The following GALNT18 variants were observed in gnomAD, a reference collection of about 807,000 sequenced individuals.
GALNT18 encodes the protein polypeptide N-acetylgalactosaminyltransferase 18.
A neutral mutation model predicts 69.5 loss-of-function variants in GALNT18; 44 were observed. The observed-to-expected ratio is 0.63, with a 90% CI of 0.50 to 0.81. GALNT18 has a LOEUF of 0.81. Among genes scored for constraint, GALNT18 ranks in the 40% least tolerant of loss-of-function variants. GALNT18 has a pLI of 0.00. For synonymous variants in GALNT18, 364 were observed against 318.2 expected (o/e 1.14, Z -1.53); for missense variants, 715 against 810.0 (o/e 0.88, Z 1.42).
At chr11:11,501,914 G>C (rs1590056383) in intron 1 of GALNT18, among the ~76,000 whole-genome samples, 1 of 152,346 alleles carries the variant, frequency 6.6e-6, no homozygotes, top group East Asian at 1.9e-4. Flanking sequence ...AGCAAATGCA[G>C]CTTCAGAGAG....
In GALNT18 at chr11:11,538,320, C is replaced by T. The variant is rs1857830309; in HGVS notation, c.235+83039G>A. 6.6e-6 allele frequency among the ~76,000 whole-genome samples: 1 copy of T among 152,212 alleles called. No homozygotes were observed. The highest frequency in any genetic ancestry group is 1.5e-5 in the Non-Finnish European group (1 of 68,026). ...GGGCTGGGAAGGCCACTCACTAAGG[C>T]CAGGGTGTCCTTTACTTGGCAGGGA... On this transcript the variant is annotated intron_variant, in intron 1 of 10. Transcript: ENST00000227756. The surrounding 1 kb of genome is among the most constrained non-coding windows in gnomAD (Gnocchi z 5.2).
Position 11,337,346 on chromosome 11 carries a change from T to A in GALNT18, c.1278+3473A>T, listed in dbSNP as rs1319979150. Among the ~76,000 whole-genome samples the A allele has an allele frequency of 6.6e-6, 1 of 152,046 alleles. No individual in the cohort carries two copies. The highest frequency in any genetic ancestry group is 1.5e-5 in the Non-Finnish European group (1 of 68,006). On this transcript the variant is annotated intron_variant, in intron 7 of 10. Coordinates refer to ENST00000227756, the MANE Select transcript of GALNT18 (RefSeq NM_198516.3). This position sits in a 1 kb window ranked among gnomAD's most constrained non-coding sequence, Gnocchi z 4.9. ...CTAGATATAATGACACAAAAATGAA[T>A]AAAGCAGTCTGTCCTCAGAGAGCCC... is the stretch of plus-strand genomic sequence containing the variant.
chr11:11,336,526 T>C (rs928755353), intron 7 of GALNT18, among the ~76,000 whole-genome samples: 3 of 152,196 alleles, frequency 2.0e-5, no homozygotes, highest in African/African-American at 7.2e-5. Flanking sequence ...ACTTATTTAA[T>C]TCTCAAGGCA....
chr11:11,357,476 C>G (rs113895029), intron 6 of GALNT18, among the ~76,000 whole-genome samples: 33 of 152,186 alleles, frequency 2.2e-4, no homozygotes, highest in African/African-American at 6.5e-4. Flanking sequence ...CCACCCACTC[C>G]CTCCTTAGAC....
Position 11,523,596 on chromosome 11 carries a change from G to A in GALNT18, c.236-74660C>T, listed in dbSNP as rs1857449560. 6.6e-6 allele frequency among the ~76,000 whole-genome samples: 1 copy of A among 151,860 alleles called. No homozygotes were observed. Among genetic ancestry groups the A allele is most frequent in the African/African-American group, 2.4e-5 (1 of 41,338 alleles). On this transcript the variant is annotated intron_variant, in intron 1 of 10. Transcript: ENST00000227756. This position sits in a 1 kb window ranked among gnomAD's most constrained non-coding sequence, Gnocchi z 4.3. ...TAGCCAGGCGTGTTGGTGGGCTCCTGTAGTCCCAGCTACTCGGGAGGCTGA... is the reference window on the plus strand; with the variant it reads ...TAGCCAGGCGTGTTGGTGGGCTCCTATAGTCCCAGCTACTCGGGAGGCTGA...
Position 11,337,675 on chromosome 11 carries a change from T to A in GALNT18, c.1278+3144A>T, listed in dbSNP as rs1352753079. Among the ~76,000 whole-genome samples the A allele has an allele frequency of 6.6e-6, 1 of 151,890 alleles. No homozygotes were observed. The highest frequency in any genetic ancestry group is 1.5e-5 in the Non-Finnish European group (1 of 67,996). ...CTGAGTCTCAAAGGATGGGGAAGAT[T>A]TAGTAGGGGTGGTCATACAGGAAGA... On this transcript the variant is annotated intron_variant, in intron 7 of 10. Transcript: ENST00000227756. The surrounding 1 kb of genome is among the most constrained non-coding windows in gnomAD (Gnocchi z 4.9).
At chr11:11,300,984 T>C (rs1404124368) in intron 9 of GALNT18, among the ~76,000 whole-genome samples, 1 of 152,182 alleles carries the variant, frequency 6.6e-6, no homozygotes, top group Non-Finnish European at 1.5e-5. Context: ...GCAATGCCCC[T>C]GCAGATCGGG....
rs547455725 is a variant in GALNT18, at chr11:11,552,035, T to A, written c.235+69324A>T. 1.1e-4 allele frequency among the ~76,000 whole-genome samples: 17 copies of A among 152,370 alleles called. No individual in the cohort carries two copies. In the South Asian group the frequency reaches 3.5e-3, roughly 32 times the overall value. ...AGGCTATTTTCACTTCTTTTGTGGA[T>A]CTTCAGTTGCTTCAGGCCATCTGGA... On this transcript the variant is annotated intron_variant, in intron 1 of 10. Coordinates refer to ENST00000227756, the MANE Select transcript of GALNT18 (RefSeq NM_198516.3).
At chr11:11,474,589 C>T (rs1278504009) in intron 1 of GALNT18, among the ~76,000 whole-genome samples, 1 of 152,098 alleles carries the variant, frequency 6.6e-6, no homozygotes. Flanking sequence ...TTGGATGATG[C>T]TAGTAGTATT....
chr11:11,563,462 C>T lies in GALNT18; in HGVS notation c.235+57897G>A, dbSNP rs1029368361. Among the ~76,000 whole-genome samples, 2 of 152,210 alleles carry T rather than the reference C, an allele frequency of 1.3e-5. No individual in the cohort carries two copies. Among genetic ancestry groups the T allele is most frequent in the Admixed American group, 1.3e-4 (2 of 15,284 alleles). ...GGGAGTCTCACCATGAAGGGCCCCA[C>T]AAGTAGTTTCCAACTTGTGAGTTTG... On this transcript the variant is annotated intron_variant, in intron 1 of 10. Transcript: ENST00000227756. This position sits in a 1 kb window ranked among gnomAD's most constrained non-coding sequence, Gnocchi z 4.6.
chr11:11,535,553 C>G (rs1430602506), intron 1 of GALNT18, among the ~76,000 whole-genome samples: 3 of 152,164 alleles, frequency 2.0e-5, no homozygotes, highest in African/African-American at 7.2e-5. Flanking sequence ...CCATTTTCCA[C>G]AAAAGGGCTA....
At chr11:11,392,672 T>A (rs959829990) in intron 3 of GALNT18, among the ~76,000 whole-genome samples, 6 of 152,096 alleles carry the variant, frequency 3.9e-5, no homozygotes, top group African/African-American at 1.4e-4. Flanking sequence ...CTTTCTGAAG[T>A]TTTTAGCACT....
Position 11,523,474 on chromosome 11 carries a change from C to T in GALNT18, c.236-74538G>A, listed in dbSNP as rs1420451702. ...CTCTTAAAATTCTTACACCGTGCCA[C>T]TTTGGGAGGCTGAGGCGGGTGGATC... On this transcript the variant is annotated intron_variant, in intron 1 of 10. Coordinates refer to ENST00000227756, the MANE Select transcript of GALNT18 (RefSeq NM_198516.3). The surrounding 1 kb of genome is among the most constrained non-coding windows in gnomAD (Gnocchi z 4.3). Among the ~76,000 whole-genome samples the T allele has an allele frequency of 2.0e-5, 3 of 152,114 alleles. No homozygotes were observed. Among genetic ancestry groups the T allele is most frequent in the Admixed American group, 1.3e-4 (2 of 15,280 alleles).
In GALNT18 at chr11:11,340,731, C is replaced by G; in HGVS notation, c.1278+88G>C. 1 of 1,270,760 alleles carries G rather than the reference C, an allele frequency of 7.9e-7. No homozygotes were observed. The highest frequency in any genetic ancestry group is 1.1e-6 in the Non-Finnish European group (1 of 912,652). The allele number at this position is 1,270,760 out of a possible 1,614,324, so 78.7% of individuals were successfully genotyped here. Reference sequence around the variant, plus strand: ...GCATGGCAAACAGGACTCTGGCTGACCCATAGGAAGAAGGGTTCGGTCCCA... The same window carrying G: ...GCATGGCAAACAGGACTCTGGCTGAGCCATAGGAAGAAGGGTTCGGTCCCA... On this transcript the variant is annotated intron_variant, in intron 7 of 10. Coordinates refer to ENST00000227756, the MANE Select transcript of GALNT18 (RefSeq NM_198516.3). The surrounding 1 kb of genome is among the most constrained non-coding windows in gnomAD (Gnocchi z 4.2).
At position 11,307,932 on chromosome 11, in the gene GALNT18, G is replaced by A. The variant is rs1172033490; in HGVS notation, c.1513-14739C>T. Among the ~76,000 whole-genome samples, 4 of 152,242 alleles carry A rather than the reference G, an allele frequency of 2.6e-5. No homozygotes were observed. The East Asian group carries it at 7.7e-4, about 29-fold the overall frequency. On this transcript the variant is annotated intron_variant, in intron 9 of 10. Coordinates refer to ENST00000227756, the MANE Select transcript of GALNT18 (RefSeq NM_198516.3). ...CACGAGGACAGACAGAGTTTTGGAA[G>A]TGGGCGCTTTGTCCTGAGCACAAAA...
chr11:11,485,543 C>T (rs1359021629), intron 1 of GALNT18, among the ~76,000 whole-genome samples: 5 of 152,206 alleles, frequency 3.3e-5, no homozygotes, highest in Non-Finnish European at 7.3e-5. Flanking sequence ...ACCAACTATG[C>T]ATTTCATAAT....
At chr11:11,485,198 C>T (rs1204093016) in intron 1 of GALNT18, among the ~76,000 whole-genome samples, 4 of 152,326 alleles carry the variant, frequency 2.6e-5, no homozygotes, top group Admixed American at 1.3e-4. Flanking sequence ...ACACCACCTG[C>T]GTGTTCTCTA....
chr11:11,328,003 AC>A (rs1849954466), intron 8 of GALNT18, among the ~76,000 whole-genome samples: 1 of 152,200 alleles, frequency 6.6e-6, no homozygotes, highest in African/African-American at 2.4e-5. Context: ...TGTCTTAGGA[AC>A]CTAAACAGAA....
intron 8 of GALNT18, among the ~76,000 whole-genome samples, chr11:11,331,255 G>A (rs1308847908): frequency 6.6e-6 from 1 of 152,166 alleles, no homozygotes; most frequent in Non-Finnish European, 1.5e-5. Context: ...GGAGAGGTGA[G>A]AGGTCACTGC....
Sources: allele counts gnomAD v4.1 joint callset (sites outside exome capture counted in the v4.1 genomes callset), GRCh38; gene constraint gnomAD v4.1.1; non-coding constraint Gnocchi (gnomAD v3.1); transcripts MANE v1.5; gene names NCBI Gene and HGNC (gene_info 2026-07-23, HGNC 2026-07-21).